The following EMX1 variants were observed in gnomAD, a reference collection of about 807,000 sequenced individuals.
EMX1 encodes the protein homeobox protein EMX1.
EMX1 carries 10 observed loss-of-function variants against 20.1 expected under a neutral mutation model. The observed-to-expected ratio is 0.50, with a 90% CI of 0.31 to 0.84. EMX1 has a LOEUF of 0.84. EMX1 is among the 40% of genes least tolerant of loss of function. The pLI, the probability that EMX1 is intolerant of heterozygous loss-of-function variation, is 0.05. For synonymous variants in EMX1, 250 were observed against 200.4 expected (o/e 1.25, Z -2.09); for missense variants, 424 against 431.9 (o/e 0.98, Z 0.16).
At chr2:72,924,022 C>T (rs1461854078) in intron 1 of EMX1, 7 of 541,974 alleles carry the variant, frequency 1.3e-5, no homozygotes, top group African/African-American at 2.7e-5. Flanking sequence ...CCTCGTCCGG[C>T]CTGCCCCATC....
intron 1 of EMX1, among the ~76,000 whole-genome samples, 157 bp downstream of exon 1, chr2:72,918,529 G>A (rs935876927): frequency 1.3e-5 from 2 of 152,376 alleles, no homozygotes; most frequent in Middle Eastern, 3.4e-3. Context: ...GAGCTGTGCG[G>A]CATCCACCCG....
chr2:72,918,737 C>T (rs906649290), intron 1 of EMX1, among the ~76,000 whole-genome samples: 2 of 152,256 alleles, frequency 1.3e-5, no homozygotes, highest in African/African-American at 2.4e-5. Flanking sequence ...TCCCTCCGCC[C>T]GGCTTAACCT....
At chr2:72,924,260 TTCTC>T in intron 1 of EMX1, 45 bp from the exon 2 acceptor site, 1 of 1,542,342 alleles carries the variant, frequency 6.5e-7, no homozygotes, top group Non-Finnish European at 8.7e-7. Flanking sequence ...ACGGCGCCCC[TTCTC>T]TCTGTCTGTA....
At chr2:72,921,178 G>T (rs1671097541) in intron 1 of EMX1, among the ~76,000 whole-genome samples, 1 of 152,196 alleles carries the variant, frequency 6.6e-6, no homozygotes, top group Admixed American at 6.5e-5. Flanking sequence ...GGAATCTCTT[G>T]TGCTAGTTCC....
At chr2:72,926,905 C>T (rs142432136) in intron 2 of EMX1, among the ~76,000 whole-genome samples, 8 of 152,236 alleles carry the variant, frequency 5.3e-5, no homozygotes, top group Non-Finnish European at 8.8e-5. Flanking sequence ...CTTCTCTATC[C>T]GCCTCTTGGT....
intron 2 of EMX1, chr2:72,925,336 T>C: frequency 8.9e-7 from 1 of 1,124,326 alleles, no homozygotes; most frequent in South Asian, 1.8e-5. Context: ...AATTAAAGAA[T>C]TAGATGAAAG....
At position 72,918,965 on chromosome 2, in the gene EMX1, C is replaced by G. The variant is rs530010969; in HGVS notation, c.520+593C>G. ...CCCGACTTCTCCAAGTCACACGTGC[C>G]TCTCCTACCCAAGGTGGGGAAGGTT... On this transcript the variant is annotated intron_variant, in intron 1 of 2. Coordinates refer to ENST00000258106, the MANE Select transcript of EMX1 (RefSeq NM_004097.3). 3.3e-5 allele frequency among the ~76,000 whole-genome samples: 5 copies of G among 152,362 alleles called. No individual in the cohort carries two copies. In the East Asian group the frequency reaches 9.6e-4, roughly 29 times the overall value.
At chr2:72,928,149 A>G (rs1362965224) in intron 2 of EMX1, among the ~76,000 whole-genome samples, 5 of 152,170 alleles carry the variant, frequency 3.3e-5, no homozygotes, top group African/African-American at 9.7e-5. Flanking sequence ...CAGTGCCTCA[A>G]TCTAGGAGAT....
rs1157338075 is a variant in EMX1, at chr2:72,918,174, G to A, written c.322G>A (p.Gly108Ser). 4 of 1,519,436 alleles carry A rather than the reference G, an allele frequency of 2.6e-6. No individual in the cohort carries two copies. Among genetic ancestry groups the A allele is most frequent in the Non-Finnish European group, 3.5e-6 (4 of 1,148,890 alleles). 94.1% of individuals were successfully genotyped at this position (1,519,436 alleles called of 1,614,324 possible). A position where few individuals can be genotyped will look rare whatever the true frequency, so the allele number is the denominator to read the frequency against. ...CCCTGCCGCGGCCGCCGCGGGCGCG[G>A]GCCGCTCGCTCTACGGTGGGCCCGA... ...GFPAAAAAGA[G>S]RSLYGGPELV... Residue 108 changes from glycine (G) to serine (S), a missense_variant, in exon 1 of 3, where the codon GGC (glycine) becomes AGC (serine). Gly to Ser is a moderately conservative substitution (Grantham distance 56, BLOSUM62 0). Transcript: ENST00000258106.
In EMX1 at chr2:72,917,874, C is replaced by A. The variant is rs1309584484; in HGVS notation, c.22C>A (p.Pro8Thr). 3.4e-6 allele frequency: 5 copies of A among 1,476,550 alleles called. No homozygotes were observed. The highest frequency in any genetic ancestry group is 2.7e-6 in the Non-Finnish European group (3 of 1,121,164). 91.5% of individuals were successfully genotyped at this position (1,476,550 alleles called of 1,614,324 possible). A position where few individuals can be genotyped will look rare whatever the true frequency, so the allele number is the denominator to read the frequency against. Residue 8 changes from proline to threonine, a missense_variant, in exon 1 of 3, where the codon CCC becomes ACC. By Grantham distance (38) the Pro-to-Thr change is conservative. This residue lies in a region of EMX1 where 333 missense variants were observed against 296.6 expected (regional missense o/e 1.12). Transcript: ENST00000258106. ...GTGCATGTGCCTGGCTGGGTGCACACCCCGCAAGGCGGCGGCGCCAGGACG... is the reference window on the plus strand; with the variant it reads ...GTGCATGTGCCTGGCTGGGTGCACAACCCGCAAGGCGGCGGCGCCAGGACG... MCLAGCT[P>T]RKAAAPGRGA... is the part of the protein sequence containing the mutation.
Position 72,930,875 on chromosome 2 carries a change from C to A in EMX1, c.706-2912C>A, listed in dbSNP as rs188218531. On this transcript the variant is annotated intron_variant, in intron 2 of 2. Coordinates refer to ENST00000258106, the MANE Select transcript of EMX1 (RefSeq NM_004097.3). This position sits in a 1 kb window ranked among gnomAD's most constrained non-coding sequence, Gnocchi z 4.4. Reference sequence around the variant, plus strand: ...CAGAAAAGTAGAAAGAAGAAAGAAACATCACCCACACTTTAGGTATATTTC... The same window carrying A: ...CAGAAAAGTAGAAAGAAGAAAGAAAAATCACCCACACTTTAGGTATATTTC... 7.5e-4 allele frequency among the ~76,000 whole-genome samples: 114 copies of A among 152,274 alleles called. No homozygotes were observed. Among genetic ancestry groups the A allele is most frequent in the Non-Finnish European group, 1.3e-3 (90 of 68,012 alleles).
At chr2:72,916,569 G>A, upstream of EMX1, 1 of 615,606 alleles carries the variant, frequency 1.6e-6, no homozygotes, top group East Asian at 2.7e-5. Flanking sequence ...TCCGCCGTAC[G>A]GAAAAACTGG....
At chr2:72,920,931 C>A (rs1323213547) in intron 1 of EMX1, among the ~76,000 whole-genome samples, 4 of 152,218 alleles carry the variant, frequency 2.6e-5, no homozygotes, top group African/African-American at 9.6e-5. Context: ...CCCGCAACTA[C>A]AATGGGCCGG....
At chr2:72,925,819 G>C (rs1457329510) in intron 2 of EMX1, 2 of 985,296 alleles carry the variant, frequency 2.0e-6, no homozygotes, top group Non-Finnish European at 2.4e-6. Flanking sequence ...CGTCATATCT[G>C]TCTGCTGCCC....
At chr2:72,926,243 A>G (rs767172584) in intron 2 of EMX1, 191 of 985,332 alleles carry the variant, frequency 1.9e-4, no homozygotes, top group Non-Finnish European at 2.1e-4. Context: ...CTCTCTTTCA[A>G]ACTGAACCTA....
chr2:72,929,742 C>G (rs1671254731), intron 2 of EMX1, among the ~76,000 whole-genome samples: 1 of 152,228 alleles, frequency 6.6e-6, no homozygotes, highest in Non-Finnish European at 1.5e-5. Context: ...CTGATTAGTT[C>G]TGAAATATCG....
At position 72,924,439 on chromosome 2, in the gene EMX1, G is replaced by T; in HGVS notation, c.651G>T (p.Val217=). The T allele has an allele frequency of 2.5e-6, 4 of 1,597,562 alleles. No individual in the cohort carries two copies. Among genetic ancestry groups the T allele is most frequent in the East Asian group, 4.5e-5 (2 of 44,454 alleles). The change falls in exon 2 of 3, where the codon GTG becomes GTT. Residue 217 remains valine (V), a synonymous_variant. Coordinates refer to ENST00000258106, the MANE Select transcript of EMX1 (RefSeq NM_004097.3). The part of the protein sequence containing the change: ...LERAFEKNHY[V]VGAERKQLAG... ...GCGCCTTCGAGAAGAACCACTACGT[G>T]GTGGGCGCCGAGCGGAAGCAGCTGG...
In EMX1 at chr2:72,921,483, C is replaced by T. The variant is rs551691803; in HGVS notation, c.521-2826C>T. 2.6e-5 allele frequency among the ~76,000 whole-genome samples: 4 copies of T among 152,242 alleles called. No homozygotes were observed. In the South Asian group the frequency reaches 8.3e-4, roughly 32 times the overall value. Reference sequence around the variant, plus strand: ...GGCCTCCTTCCCACAGGTCGGGGGGCGGGGCGGTACAGGTACCTGTGCACC... The same window carrying T: ...GGCCTCCTTCCCACAGGTCGGGGGGTGGGGCGGTACAGGTACCTGTGCACC... On this transcript the variant is annotated intron_variant, in intron 1 of 2. Coordinates refer to ENST00000258106, the MANE Select transcript of EMX1 (RefSeq NM_004097.3).
Position 72,918,206 on chromosome 2 carries a change from G to A in EMX1, c.354G>A (p.Val118=), listed in dbSNP as rs773369757. 9.2e-5 allele frequency: 144 copies of A among 1,561,876 alleles called. 2 individuals are homozygous for A. The highest frequency in any genetic ancestry group is 3.4e-4 in the Middle Eastern group (2 of 5,964). ...CGCTCTACGGTGGGCCCGAGCTCGT[G>A]TTCCCCGAGGCCATGAACCACCCCG... is the stretch of plus-strand genomic sequence containing the variant. ...GRSLYGGPEL[V]FPEAMNHPAL... The change falls in exon 1 of 3, where the codon GTG becomes GTA. Residue 118 remains valine, a synonymous_variant. Transcript: ENST00000258106.
Sources: allele counts gnomAD v4.1 joint callset (sites outside exome capture counted in the v4.1 genomes callset), GRCh38; gene constraint gnomAD v4.1.1; regional missense constraint gnomAD v4.1.1; non-coding constraint Gnocchi (gnomAD v3.1); transcripts MANE v1.5; gene names NCBI Gene and HGNC (gene_info 2026-07-23, HGNC 2026-07-21).